The following DGKB variants were observed in gnomAD, a reference collection of about 807,000 sequenced individuals.
The protein encoded by DGKB is diacylglycerol kinase beta, also known as 90 kDa diacylglycerol kinase.
DGKB carries 67 observed loss-of-function variants against 114.3 expected under a neutral mutation model. The ratio of observed to expected loss-of-function variants is 0.59; its 90% CI spans 0.48 to 0.72. The LOEUF (loss-of-function observed/expected upper bound fraction) is 0.72. Among genes scored for constraint, DGKB ranks in the 30% least tolerant of loss-of-function variants. The probability of loss-of-function intolerance (pLI) is 0.00; values close to 1 mark genes in which losing one functional copy is unlikely to be tolerated. For synonymous variants in DGKB, 398 were observed against 323.1 expected (o/e 1.23, Z -2.49); for missense variants, 907 against 975.2 (o/e 0.93, Z 0.93).
intron 23 of DGKB, among the ~76,000 whole-genome samples, chr7:14,259,006 T>C (rs1209771936): frequency 1.3e-5 from 2 of 152,202 alleles, no homozygotes; most frequent in African/African-American, 2.4e-5. Flanking sequence ...GCTTTGTCTA[T>C]GAAATTTGTT....
At chr7:14,444,150 A>G (rs548600552) in intron 21 of DGKB, among the ~76,000 whole-genome samples, 1 of 151,966 alleles carries the variant, frequency 6.6e-6, no homozygotes, top group Non-Finnish European at 1.5e-5. Context: ...GACCTTGTCA[A>G]AAATATTGGT....
intron 2 of DGKB, among the ~76,000 whole-genome samples, chr7:14,827,402 G>C (rs1562644035): frequency 6.6e-6 from 1 of 151,858 alleles, no homozygotes. Flanking sequence ...TAGAGCATTT[G>C]CGGGGCAGAA....
At chr7:14,809,577 T>A (rs1843172710) in intron 2 of DGKB, among the ~76,000 whole-genome samples, 1 of 152,148 alleles carries the variant, frequency 6.6e-6, no homozygotes, top group South Asian at 2.1e-4. Context: ...CCCTACTAAG[T>A]TTTTATGAGT....
intron 4 of DGKB, among the ~76,000 whole-genome samples, chr7:14,737,655 T>G (rs1028757578): frequency 1.6e-4 from 25 of 152,180 alleles, no homozygotes; most frequent in Admixed American, 1.3e-3. Flanking sequence ...AGTCCCAAGA[T>G]TCTGCCTATA....
intron 20 of DGKB, among the ~76,000 whole-genome samples, chr7:14,500,063 G>A (rs1309789986): frequency 2.0e-5 from 3 of 151,742 alleles, no homozygotes; most frequent in African/African-American, 4.8e-5. Context: ...TCACAAATTC[G>A]TTCTGGCCTT....
intron 21 of DGKB, among the ~76,000 whole-genome samples, chr7:14,441,658 G>T (rs1024874671): frequency 2.6e-5 from 4 of 151,992 alleles, no homozygotes; most frequent in Non-Finnish European, 4.4e-5. Context: ...GTAATTTACA[G>T]AAATAATAAT....
At chr7:14,689,368 G>A (rs996876707) in intron 9 of DGKB, among the ~76,000 whole-genome samples, 26 of 151,566 alleles carry the variant, frequency 1.7e-4, no homozygotes, top group Non-Finnish European at 2.7e-4. Context: ...GTAGAGACGG[G>A]GTTTCACCGT....
At chr7:14,557,465 C>T (rs890166690) in intron 20 of DGKB, among the ~76,000 whole-genome samples, 4 of 152,002 alleles carry the variant, frequency 2.6e-5, no homozygotes, top group African/African-American at 7.2e-5. Flanking sequence ...TGTCATTATA[C>T]TTCCGCTCTT....
At chr7:14,318,360 T>C (rs942421342) in intron 23 of DGKB, among the ~76,000 whole-genome samples, 6 of 151,742 alleles carry the variant, frequency 4.0e-5, no homozygotes, top group African/African-American at 1.2e-4. Context: ...ACCTATAGAA[T>C]GGGAGAAAAT....
At chr7:14,170,772 G>T (rs1406383444) in intron 25 of DGKB, among the ~76,000 whole-genome samples, 1 of 152,142 alleles carries the variant, frequency 6.6e-6, no homozygotes, top group African/African-American at 2.4e-5. Context: ...GTATTTTAAA[G>T]TTATGGTGGG....
intron 21 of DGKB, among the ~76,000 whole-genome samples, chr7:14,411,060 G>T (rs560081023): frequency 6.6e-6 from 1 of 152,128 alleles, no homozygotes; most frequent in Admixed American, 6.5e-5. Flanking sequence ...GCAGTGGCAG[G>T]TTTCTGCAGC....
intron 23 of DGKB, among the ~76,000 whole-genome samples, chr7:14,244,504 A>C (rs1012510230): frequency 2.0e-5 from 2 of 98,208 alleles, no homozygotes; most frequent in African/African-American, 9.0e-5. Flanking sequence ...AAAGTACAAA[A>C]AGAAAAAAAA....
At chr7:14,298,321 T>G (rs948014838) in intron 23 of DGKB, among the ~76,000 whole-genome samples, 4 of 151,998 alleles carry the variant, frequency 2.6e-5, no homozygotes, top group African/African-American at 4.8e-5. Context: ...CAAGGCTACA[T>G]TAACCAAAAC....
intron 5 of DGKB, among the ~76,000 whole-genome samples, chr7:14,734,730 C>A (rs1051829748): frequency 2.6e-5 from 4 of 152,030 alleles, no homozygotes; most frequent in African/African-American, 9.7e-5. Flanking sequence ...TGGTTTGATT[C>A]TTGTTATTTT....
Position 14,718,523 on chromosome 7 carries a change from A to C in DGKB, c.466+19T>G. On this transcript the variant is annotated intron_variant, in intron 6 of 25. Coordinates refer to ENST00000402815, the MANE Select transcript of DGKB (RefSeq NM_001350709.2). ...CTGCCCCCAATCACGATAAGTAAAC[A>C]AAATGAAGAAACACATACACTCAAG... 1 of 1,596,054 alleles carries C rather than the reference A, an allele frequency of 6.3e-7. No individual in the cohort carries two copies.
At chr7:14,390,140 T>C (rs982095216) in intron 21 of DGKB, among the ~76,000 whole-genome samples, 1 of 152,220 alleles carries the variant, frequency 6.6e-6, no homozygotes, top group Admixed American at 6.5e-5. Flanking sequence ...TTTCTGAGTA[T>C]ACTATGATAC....
chr7:14,710,857 C>T (rs890965086), intron 6 of DGKB, among the ~76,000 whole-genome samples: 1 of 151,972 alleles, frequency 6.6e-6, no homozygotes, highest in African/African-American at 2.4e-5. Flanking sequence ...CCAAATTGAA[C>T]CTGGACATGT....
intron 1 of DGKB, among the ~76,000 whole-genome samples, chr7:14,939,233 A>G (rs1785430782): frequency 6.6e-6 from 1 of 152,150 alleles, no homozygotes; most frequent in Non-Finnish European, 1.5e-5. Context: ...CTTATTGTAT[A>G]TGTTTTATAA....
At chr7:14,176,587 AATTG>A (rs1400261703) in intron 25 of DGKB, 2 of 1,180,024 alleles carry the variant, frequency 1.7e-6, no homozygotes, top group East Asian at 3.5e-5. Flanking sequence ...TATGGTTTAT[AATTG>A]ATCTATTTAA....
Sources: allele counts gnomAD v4.1 joint callset (sites outside exome capture counted in the v4.1 genomes callset), GRCh38; gene constraint gnomAD v4.1.1; transcripts MANE v1.5; gene names NCBI Gene and HGNC (gene_info 2026-07-23, HGNC 2026-07-21).